Variants in KLHL18 observed in about 807,000 individuals in gnomAD.
KLHL18 encodes the protein kelch like family member 18.
In KLHL18, 38 loss-of-function variants were observed where a neutral mutation model predicts 58.5. The ratio of observed to expected loss-of-function variants is 0.65; its 90% confidence interval spans 0.50 to 0.85. The LOEUF (loss-of-function observed/expected upper bound fraction) is 0.85, where lower values mean the gene tolerates loss of function less well. KLHL18 is among the 40% of genes least tolerant of loss of function. The probability of loss-of-function intolerance (pLI) is 0.00; values close to 1 mark genes in which losing one functional copy is unlikely to be tolerated. For missense variants in KLHL18, 624 were observed against 778.4 expected, an observed-to-expected ratio of 0.80 and a Z score of 2.36; for synonymous variants, 303 against 301.9, an observed-to-expected ratio of 1.00 and a Z score of -0.04.
chr3:47,305,623 A>G (rs538617261), intron 1 of KLHL18, among the ~76,000 whole-genome samples: 22 of 152,106 alleles, frequency 1.4e-4, no homozygotes, highest in Non-Finnish European at 2.1e-4. Flanking sequence ...ACTGCATAAA[A>G]TGAACTTGGA....
intron 1 of KLHL18, among the ~76,000 whole-genome samples, chr3:47,293,616 A>C (rs1702835247): frequency 6.6e-6 from 1 of 152,184 alleles, no homozygotes; most frequent in African/African-American, 2.4e-5. Flanking sequence ...GTTGGTTTGT[A>C]AGCTGTAAAT....
intron 1 of KLHL18, among the ~76,000 whole-genome samples, chr3:47,293,070 C>G (rs1182452984): frequency 6.6e-6 from 1 of 152,024 alleles, no homozygotes; most frequent in Non-Finnish European, 1.5e-5. Flanking sequence ...TATGAACTAC[C>G]TAGAATAGTC....
At chr3:47,342,852 G>A in intron 9 of KLHL18, 22 bp downstream of exon 9, 2 of 1,524,952 alleles carry the variant, frequency 1.3e-6, no homozygotes, top group Non-Finnish European at 1.8e-6. Context: ...CTCCCCCTGG[G>A]ATAAGGGTAC....
chr3:47,304,409 A>G (rs1703094293), intron 1 of KLHL18, among the ~76,000 whole-genome samples: 1 of 152,020 alleles, frequency 6.6e-6, no homozygotes, highest in African/African-American at 2.4e-5. Context: ...AGCCTGAGGT[A>G]GGAGGATTGC....
rs1204006466 is a variant in KLHL18 at position 47,309,712 on chromosome 3, T to C, written c.130-9941T>C. Among the ~76,000 whole-genome samples, 4 of 152,138 alleles carry C rather than the reference T, an allele frequency of 2.6e-5. No individual in the cohort carries two copies. In the East Asian group the frequency reaches 7.7e-4, roughly 29 times the overall value. ...CACTGCACTCCAGCCTGGGCAACATTGAGCACTGAGTGAACGAGACTCCAT... is the reference window on the plus strand; with the variant it reads ...CACTGCACTCCAGCCTGGGCAACATCGAGCACTGAGTGAACGAGACTCCAT... On this transcript the variant is annotated intron_variant, in intron 1 of 9. Coordinates refer to ENST00000232766, the MANE Select transcript of KLHL18 (RefSeq NM_025010.5).
At chr3:47,342,506 A>C (rs1184227748) in intron 8 of KLHL18, among the ~76,000 whole-genome samples, 1 of 152,186 alleles carries the variant, frequency 6.6e-6, no homozygotes, top group South Asian at 2.1e-4. Context: ...AATGATTTTG[A>C]GCAGCCATGG....
At chr3:47,295,672 A>G (rs1289176792) in intron 1 of KLHL18, among the ~76,000 whole-genome samples, 1 of 150,838 alleles carries the variant, frequency 6.6e-6, no homozygotes, top group East Asian at 1.9e-4. Context: ...GGCTCAAGTG[A>G]TCTTCCCACC....
intron 1 of KLHL18, among the ~76,000 whole-genome samples, chr3:47,309,934 G>T (rs2107610421): frequency 6.6e-6 from 1 of 151,618 alleles, no homozygotes; most frequent in South Asian, 2.1e-4. Flanking sequence ...GAGCAGAGAT[G>T]GCGGAGTACA....
chr3:47,328,039 G>C (rs1034639818), intron 3 of KLHL18, among the ~76,000 whole-genome samples: 3 of 152,012 alleles, frequency 2.0e-5, no homozygotes, highest in Admixed American at 6.5e-5. Flanking sequence ...ATCGCACTGG[G>C]CTCGTTTGGA....
rs530835508 is a variant in KLHL18, at chr3:47,344,746, A to T, written c.*805A>T. The stretch of plus-strand genomic sequence containing the variant: ...CGGCAAATCTATGTTTAAATGGAAA[A>T]TCGTCTAACTGGAGAAGGGCGGTAT... On this transcript the variant is annotated 3_prime_UTR_variant, in exon 10 of 10. Coordinates refer to ENST00000232766, the MANE Select transcript of KLHL18 (RefSeq NM_025010.5). 1.3e-5 allele frequency: 2 copies of T among 152,792 alleles called. No individual in the cohort carries two copies. The highest frequency in any genetic ancestry group is 1.3e-4 in the Admixed American group (2 of 15,306). The allele number at this position is 152,792 out of a possible 1,614,324, so 9.5% of individuals were successfully genotyped here. A position where few individuals can be genotyped will look rare whatever the true frequency, so the allele number is the denominator to read the frequency against.
intron 1 of KLHL18, among the ~76,000 whole-genome samples, chr3:47,296,768 C>T (rs1289405907): frequency 6.6e-6 from 1 of 152,148 alleles, no homozygotes; most frequent in East Asian, 1.9e-4. Flanking sequence ...AGTACACCTA[C>T]AGTGTTTCTT....
chr3:47,296,959 C>T (rs555608888), intron 1 of KLHL18, among the ~76,000 whole-genome samples: 2 of 152,202 alleles, frequency 1.3e-5, no homozygotes, highest in Non-Finnish European at 2.9e-5. Context: ...GCCCACTTCT[C>T]TCCCTTCCTC....
Position 47,333,191 on chromosome 3 carries a change from A to C in KLHL18, c.635A>C (p.Asp212Ala), listed in dbSNP as rs1212460901. Reference sequence around the variant, plus strand: ...GCTGCATTGGCCTGGGTCAGATACGACCGGGAGCAGAGGGGTCCCTACCTG... The same window carrying C: ...GCTGCATTGGCCTGGGTCAGATACGCCCGGGAGCAGAGGGGTCCCTACCTG... ...FEAALAWVRY[D>A]REQRGPYLPE... Residue 212 changes from aspartate to alanine, a missense_variant, in exon 5 of 10, where the codon GAC (aspartate) becomes GCC (alanine). Asp to Ala is a moderately radical substitution (Grantham distance 126). Coordinates refer to ENST00000232766, the MANE Select transcript of KLHL18 (RefSeq NM_025010.5). 6.2e-7 allele frequency: 1 copy of C among 1,614,012 alleles called. No homozygotes were observed. The highest frequency in any genetic ancestry group is 8.5e-7 in the Non-Finnish European group (1 of 1,179,950).
chr3:47,331,963 G>A (rs1172762684), intron 4 of KLHL18, among the ~76,000 whole-genome samples: 2 of 152,166 alleles, frequency 1.3e-5, no homozygotes, highest in African/African-American at 2.4e-5. Flanking sequence ...TGGGGCACAC[G>A]CCCAGGGACG....
chr3:47,296,112 G>A (rs1050229412), intron 1 of KLHL18, among the ~76,000 whole-genome samples: 26 of 152,132 alleles, frequency 1.7e-4, no homozygotes, highest in South Asian at 4.1e-4. Flanking sequence ...TTCAGGTCCC[G>A]CCCCAGACCT....
At chr3:47,296,231 T>C (rs1018737254) in intron 1 of KLHL18, among the ~76,000 whole-genome samples, 4 of 152,222 alleles carry the variant, frequency 2.6e-5, no homozygotes, top group Non-Finnish European at 1.5e-5. Flanking sequence ...AGGATGTAGA[T>C]GGTTCGAGTG....
chr3:47,293,370 C>T (rs1189118080), intron 1 of KLHL18, among the ~76,000 whole-genome samples: 3 of 152,188 alleles, frequency 2.0e-5, no homozygotes, highest in Non-Finnish European at 2.9e-5. Flanking sequence ...TGCTTTGTGA[C>T]TGTAGACACT....
intron 1 of KLHL18, among the ~76,000 whole-genome samples, chr3:47,300,935 C>T (rs907140904): frequency 1.3e-5 from 2 of 152,106 alleles, no homozygotes; most frequent in South Asian, 2.1e-4. Context: ...TCACCACGCC[C>T]GGCCTCACTG....
Position 47,343,807 on chromosome 3 carries a change from G to C in KLHL18, c.1591G>C (p.Gly531Arg). 1.9e-6 allele frequency: 3 copies of C among 1,614,188 alleles called. No homozygotes were observed. Among genetic ancestry groups the C allele is most frequent in the Non-Finnish European group, 2.5e-6 (3 of 1,180,048 alleles). The change falls in exon 10 of 10, where the codon GGC (glycine) becomes CGC (arginine). Residue 531 changes from glycine (G) to arginine (R), a missense_variant. Physicochemically the swap from Gly to Arg is moderately radical, Grantham distance 125. Coordinates refer to ENST00000232766, the MANE Select transcript of KLHL18 (RefSeq NM_025010.5). ...ASCGRLYAVGGYDGQSNLSSV... is the reference protein window; with the variant it reads ...ASCGRLYAVGRYDGQSNLSSV... ...CTGTGGGCGCCTCTACGCTGTTGGG[G>C]GCTACGACGGACAGTCAAACCTAAG...
Sources: allele counts gnomAD v4.1 joint callset (sites outside exome capture counted in the v4.1 genomes callset), GRCh38; gene constraint gnomAD v4.1.1; transcripts MANE v1.5; gene names NCBI Gene and HGNC (gene_info 2026-07-23, HGNC 2026-07-21).